KALRN: variants seen among roughly 807,000 people sequenced by gnomAD.
The protein encoded by KALRN is kalirin RhoGEF kinase, also known as kalirin.
In KALRN, 70 loss-of-function variants were observed where a neutral mutation model predicts 353.7. That is an observed-to-expected ratio of 0.20 (90% confidence interval 0.16 to 0.24). KALRN has a LOEUF of 0.24. Among genes scored for constraint, KALRN ranks in the 10% least tolerant of loss-of-function variants. The pLI, the probability that KALRN is intolerant of heterozygous loss-of-function variation, is 1.00. For missense variants in KALRN, 2,791 were observed against 3,756.7 expected (o/e 0.74, Z 6.72); for synonymous variants, 1,391 against 1,434.8 (o/e 0.97, Z 0.69).
intron 58 of KALRN, among the ~76,000 whole-genome samples, 159 bp from the exon 59 acceptor site, chr3:124,717,088 C>T (rs2063165780): frequency 6.6e-6 from 1 of 152,198 alleles, no homozygotes; most frequent in South Asian, 2.1e-4. Flanking sequence ...ATTACAATAA[C>T]TTTAGGCTCT....
At chr3:124,470,256 C>G (rs2060751502) in intron 25 of KALRN, among the ~76,000 whole-genome samples, 1 of 152,114 alleles carries the variant, frequency 6.6e-6, no homozygotes, top group Admixed American at 6.5e-5. Context: ...TAGTGAGGGC[C>G]AAATTGCTGC....
At chr3:124,134,656 A>G (rs776624515) in intron 1 of KALRN, among the ~76,000 whole-genome samples, 2 of 152,230 alleles carry the variant, frequency 1.3e-5, no homozygotes. Flanking sequence ...CAGAATCTAC[A>G]ACGGACTCAG....
intron 57 of KALRN, among the ~76,000 whole-genome samples, chr3:124,702,351 G>A (rs2062381974): frequency 6.6e-6 from 1 of 152,036 alleles, no homozygotes; most frequent in Non-Finnish European, 1.5e-5. Flanking sequence ...AAGAAATTAA[G>A]GCCCAAAATT....
intron 1 of KALRN, among the ~76,000 whole-genome samples, chr3:124,149,780 T>G (rs899920717): frequency 2.0e-5 from 3 of 152,156 alleles, no homozygotes; most frequent in Non-Finnish European, 2.9e-5. Context: ...ATTATACAAA[T>G]GTAAGAGAAC....
At chr3:124,078,995 C>T (rs1174471888) in intron 1 of KALRN, among the ~76,000 whole-genome samples, 2 of 152,182 alleles carry the variant, frequency 1.3e-5, no homozygotes, top group Non-Finnish European at 2.9e-5. Flanking sequence ...CATATACTTT[C>T]ATGCTGTCAG....
chr3:124,685,040 G>A (rs1253319378), intron 51 of KALRN, among the ~76,000 whole-genome samples: 1 of 152,146 alleles, frequency 6.6e-6, no homozygotes, highest in Non-Finnish European at 1.5e-5. Flanking sequence ...TACACCCCCA[G>A]CCAGGTGACC....
chr3:124,696,997 G>A (rs2062084391), intron 54 of KALRN, among the ~76,000 whole-genome samples: 1 of 152,108 alleles, frequency 6.6e-6, no homozygotes, highest in African/African-American at 2.4e-5. Context: ...ACCACTCACT[G>A]CAGCCTCAAC....
At chr3:124,693,147 A>G (rs2061900294) in intron 51 of KALRN, among the ~76,000 whole-genome samples, 1 of 152,144 alleles carries the variant, frequency 6.6e-6, no homozygotes, top group Non-Finnish European at 1.5e-5. Flanking sequence ...AAGGGTTGGA[A>G]TGGTTGGGTC....
At chr3:124,486,355 A>G (rs1420049443) in intron 28 of KALRN, among the ~76,000 whole-genome samples, 3 of 152,174 alleles carry the variant, frequency 2.0e-5, no homozygotes, top group Non-Finnish European at 4.4e-5. Context: ...GATATATGAA[A>G]ATAAGATTGG....
At chr3:124,074,186 C>T (rs1421536133) in intron 1 of KALRN, among the ~76,000 whole-genome samples, 1 of 152,124 alleles carries the variant, frequency 6.6e-6, no homozygotes, top group Non-Finnish European at 1.5e-5. Flanking sequence ...ATGCCCAAGA[C>T]AGAGATGCAG....
intron 1 of KALRN, among the ~76,000 whole-genome samples, chr3:124,136,926 G>T (rs2065988254): frequency 6.6e-6 from 1 of 152,222 alleles, no homozygotes; most frequent in Admixed American, 6.5e-5. Flanking sequence ...GCGGAGTGAT[G>T]CCAGAGGTGG....
At chr3:124,392,291 A>G (rs1344241176) in intron 11 of KALRN, among the ~76,000 whole-genome samples, 5 of 152,178 alleles carry the variant, frequency 3.3e-5, no homozygotes, top group Non-Finnish European at 7.3e-5. Context: ...ACTATATTTT[A>G]AATGTAATAA....
intron 33 of KALRN, among the ~76,000 whole-genome samples, chr3:124,550,646 A>C (rs2070376356): frequency 6.6e-6 from 1 of 151,780 alleles, no homozygotes; most frequent in African/African-American, 2.4e-5. Context: ...GTGCCACTAG[A>C]CCTCTGCCTT....
At chr3:124,219,612 A>G (rs2077679590) in intron 1 of KALRN, among the ~76,000 whole-genome samples, 1 of 152,204 alleles carries the variant, frequency 6.6e-6, no homozygotes. Flanking sequence ...AAATCAGGTT[A>G]GCAGAGGCTC....
Position 124,434,486 on chromosome 3 carries a change from G to A in KALRN, c.3009G>A (p.Leu1003=). 1 of 1,614,212 alleles carries A rather than the reference G, an allele frequency of 6.2e-7. No homozygotes were observed. Among genetic ancestry groups the A allele is most frequent in the South Asian group, 1.1e-5 (1 of 91,080 alleles). Residue 1003 remains leucine, a synonymous_variant, in exon 17 of 60, where the codon TTG becomes TTA. Transcript: ENST00000682506. ...TGAAGATGGAAGACCGGCTAAAATTGGTCAATGCCTCTGTGGCCTTTTACA... is the reference window on the plus strand; with the variant it reads ...TGAAGATGGAAGACCGGCTAAAATTAGTCAATGCCTCTGTGGCCTTTTACA... ...LMLKMEDRLK[L]VNASVAFYKT...
chr3:124,686,803 T>A (rs2061582443), intron 51 of KALRN, among the ~76,000 whole-genome samples: 1 of 49,014 alleles, frequency 2.0e-5, no homozygotes, highest in African/African-American at 1.7e-4. Context: ...GTGAGATTTT[T>A]TTTTTTTTTT....
At chr3:124,446,413 T>C (rs2093840974) in intron 20 of KALRN, 137 bp downstream of exon 20, 2 of 649,092 alleles carry the variant, frequency 3.1e-6, no homozygotes, top group Non-Finnish European at 5.4e-6. Context: ...GAAAGCAGGT[T>C]GTCACCTGTC....
intron 6 of KALRN, among the ~76,000 whole-genome samples, chr3:124,317,103 G>A (rs1195791387): frequency 2.6e-5 from 4 of 152,186 alleles, no homozygotes; most frequent in Admixed American, 6.5e-5. Context: ...CCAAGAGCAC[G>A]TCAAGGGCCC....
intron 47 of KALRN, among the ~76,000 whole-genome samples, chr3:124,668,163 C>T (rs1011553485): frequency 1.3e-5 from 2 of 152,116 alleles, no homozygotes; most frequent in Non-Finnish European, 2.9e-5. Context: ...TACGTGCTCA[C>T]AGGAGCGCAC....
Sources: gnomAD v4.1 joint callset for allele counts (sites outside exome capture counted in the v4.1 genomes callset) on GRCh38, gnomAD v4.1.1 for gene constraint, MANE v1.5 for transcripts, NCBI Gene and HGNC (gene_info 2026-07-23, HGNC 2026-07-21) for gene names.